Variants in NRP1 observed in about 807,000 individuals in gnomAD.
The protein encoded by NRP1 is neuropilin 1.
Under a neutral mutation model 106.7 loss-of-function variants are expected in NRP1, and 35 were observed. The ratio of observed to expected loss-of-function variants is 0.33; its 90% CI spans 0.25 to 0.43. NRP1 has a LOEUF of 0.43. Ranked by LOEUF, NRP1 falls within the 20% of genes least tolerant of loss-of-function variation. The pLI is 1.00. For missense variants in NRP1, 1,024 were observed against 1,170.4 expected, an observed-to-expected ratio of 0.87 and a Z score of 1.83; for synonymous variants, 437 against 417.9, an observed-to-expected ratio of 1.05 and a Z score of -0.56.
intron 6 of NRP1, among the ~76,000 whole-genome samples, chr10:33,252,517 C>T (rs1444993699): frequency 6.6e-6 from 1 of 152,072 alleles, no homozygotes; most frequent in Admixed American, 6.5e-5. Context: ...CTGTATGCTC[C>T]CCTAGAGGTT....
rs553621798 is a variant in NRP1, at chr10:33,270,962, A to G, written c.249-106T>C. On this transcript the variant is annotated intron_variant, in intron 2 of 16. Transcript: ENST00000374867. ...CCAGCATAGTGTGCCAGGAAGAAAA[A>G]AAAGTTCTATCTGCATTCATCACTG... 1.7e-4 allele frequency: 165 copies of G among 998,664 alleles called. 1 individual carries two copies. The African/African-American group carries it at 2.5e-3, about 15-fold the overall frequency. 61.9% of individuals were successfully genotyped at this position (998,664 alleles called of 1,614,324 possible).
chr10:33,245,863 G>A (rs1158646259), intron 6 of NRP1, among the ~76,000 whole-genome samples: 5 of 152,144 alleles, frequency 3.3e-5, no homozygotes, highest in African/African-American at 9.7e-5. Context: ...CAAACAGTAA[G>A]AAACCAAAAC....
intron 13 of NRP1, among the ~76,000 whole-genome samples, chr10:33,188,060 C>T (rs185620000): frequency 8.5e-5 from 13 of 152,292 alleles, no homozygotes; most frequent in Admixed American, 3.9e-4. Context: ...CTGATCCATT[C>T]ACACTTAGGA....
chr10:33,194,616 A>G (rs1350125086), intron 12 of NRP1: 1 of 442,932 alleles, frequency 2.3e-6, no homozygotes, highest in Non-Finnish European at 4.7e-6. Flanking sequence ...ACATTTAACC[A>G]GGTGAACCGC....
At position 33,334,656 on chromosome 10, in the gene NRP1, C is replaced by G. The variant is rs1239339158; in HGVS notation, c.-274G>C. 1 of 119,576 alleles carries G rather than the reference C, an allele frequency of 8.4e-6. No homozygotes were observed. Among genetic ancestry groups the G allele is most frequent in the South Asian group, 3.2e-4 (1 of 3,174 alleles). The allele number at this position is 119,576 out of a possible 1,614,324, so 7.4% of individuals were successfully genotyped here. A position where few individuals can be genotyped will look rare whatever the true frequency, so the allele number is the denominator to read the frequency against. On this transcript the variant is annotated 5_prime_UTR_variant, in exon 1 of 17. Transcript: ENST00000374867. ...TGTTCCTCTTCCAGGAGCCACTGCC[C>G]GGGCCATGTCTCAAAAAAAAAAAAA... is the stretch of plus-strand genomic sequence containing the variant.
rs754732280 is a variant in NRP1 at position 33,202,995 on chromosome 10, G to A, written c.1760C>T (p.Ala587Val). Residue 587 changes from alanine to valine, a missense_variant and splice_region_variant, in exon 11 of 17, where the codon GCC becomes GTC. Ala to Val is a moderately conservative substitution (Grantham distance 64). Transcript: ENST00000374867. ...GGGAGTGGTCGGTCCAGCTGTAGGG[G>A]CTGAAACAAGATCCAAGGATTATTA... ...RMELLGCEVE[A>V]PTAGPTTPNG... 2.2e-5 allele frequency: 36 copies of A among 1,609,604 alleles called. No homozygotes were observed. The Admixed American group carries it at 5.5e-4, about 25-fold the overall frequency.
intron 3 of NRP1, 74 bp from the exon 4 acceptor site, chr10:33,263,947 A>G: frequency 2.2e-6 from 2 of 912,308 alleles, no homozygotes; most frequent in Non-Finnish European, 3.5e-6. Context: ...AACCTGGGTA[A>G]AGACAGAACA....
chr10:33,268,693 T>C (rs1370107565), intron 3 of NRP1, among the ~76,000 whole-genome samples: 6 of 152,216 alleles, frequency 3.9e-5, no homozygotes, highest in Non-Finnish European at 8.8e-5. Context: ...CCTTTGTCTT[T>C]GATAGTGCCA....
intron 2 of NRP1, among the ~76,000 whole-genome samples, chr10:33,323,572 G>T (rs2804495): frequency 0.6 from 90,472 of 151,868 alleles, 29,551 homozygotes; most frequent in Non-Finnish European, 0.72. Flanking sequence ...CTAGATACCA[G>T]ATACAGGCCA....
At chr10:33,246,294 C>G (rs1035225966) in intron 6 of NRP1, among the ~76,000 whole-genome samples, 1 of 151,786 alleles carries the variant, frequency 6.6e-6, no homozygotes, top group African/African-American at 2.4e-5. Context: ...CTTCAAATGA[C>G]TCCCTGTGAT....
At chr10:33,297,795 G>A (rs1012870030) in intron 2 of NRP1, among the ~76,000 whole-genome samples, 1 of 152,056 alleles carries the variant, frequency 6.6e-6, no homozygotes, top group African/African-American at 2.4e-5. Flanking sequence ...TGACGGCAGA[G>A]GGAGAAGGAG....
intron 2 of NRP1, among the ~76,000 whole-genome samples, chr10:33,297,925 A>T (rs1845531107): frequency 6.6e-6 from 1 of 152,028 alleles, no homozygotes; most frequent in Non-Finnish European, 1.5e-5. Context: ...AAGAAAAAAA[A>T]AATCCCCTGG....
At chr10:33,287,368 C>A (rs1050127088) in intron 2 of NRP1, among the ~76,000 whole-genome samples, 1 of 152,178 alleles carries the variant, frequency 6.6e-6, no homozygotes, top group Non-Finnish European at 1.5e-5. Flanking sequence ...AGACTACTAG[C>A]AGAAGCTCTG....
chr10:33,187,867 G>A (rs1255101062), intron 13 of NRP1, among the ~76,000 whole-genome samples: 1 of 152,170 alleles, frequency 6.6e-6, no homozygotes, highest in Non-Finnish European at 1.5e-5. Context: ...GGATGTGGAC[G>A]TGTTCATGGG....
intron 6 of NRP1, among the ~76,000 whole-genome samples, chr10:33,252,477 C>G (rs1018210859): frequency 6.6e-6 from 1 of 152,124 alleles, no homozygotes; most frequent in South Asian, 2.1e-4. Flanking sequence ...TAGACACTGC[C>G]GTGGGGTCGA....
rs1357775840 is a variant in NRP1, at chr10:33,178,389, G to C, written c.*1687C>G. ...AGGCTTAGATGTTGCCAGCCCTAAG[G>C]CAGGCTTATTCTTTGTGAGCCGCTG... On this transcript the variant is annotated 3_prime_UTR_variant, in exon 17 of 17. Transcript: ENST00000374867. The C allele has an allele frequency of 1.3e-5, 2 of 152,180 alleles. No individual in the cohort carries two copies. Among genetic ancestry groups the C allele is most frequent in the African/African-American group, 4.8e-5 (2 of 41,440 alleles). 9.4% of individuals were successfully genotyped at this position (152,180 alleles called of 1,614,324 possible). A position where few individuals can be genotyped will look rare whatever the true frequency, so the allele number is the denominator to read the frequency against.
At chr10:33,241,280 A>G (rs1387495819) in intron 6 of NRP1, among the ~76,000 whole-genome samples, 3 of 152,162 alleles carry the variant, frequency 2.0e-5, no homozygotes, top group African/African-American at 7.2e-5. Flanking sequence ...CTCTGAAGAC[A>G]TGTGCTCCCT....
At chr10:33,250,260 T>C (rs529395012) in intron 6 of NRP1, among the ~76,000 whole-genome samples, 1 of 152,288 alleles carries the variant, frequency 6.6e-6, no homozygotes, top group Admixed American at 6.5e-5. Flanking sequence ...AGCCAACCAC[T>C]TCCAAGGAGT....
chr10:33,251,741 C>A (rs549589610), intron 6 of NRP1, among the ~76,000 whole-genome samples: 2 of 152,248 alleles, frequency 1.3e-5, no homozygotes, highest in East Asian at 1.9e-4. Context: ...AATTGCCTTG[C>A]GCAGAAGAAT....
Sources: gnomAD v4.1 joint callset for allele counts (sites outside exome capture counted in the v4.1 genomes callset) on GRCh38, gnomAD v4.1.1 for gene constraint, MANE v1.5 for transcripts, NCBI Gene and HGNC (gene_info 2026-07-23, HGNC 2026-07-21) for gene names.